The following ADAMTS17 variants were observed in gnomAD, a reference collection of about 807,000 sequenced individuals.
ADAMTS17 encodes the protein ADAM metallopeptidase with thrombospondin type 1 motif 17, also known as A disintegrin and metalloproteinase with thrombospondin motifs 17.
A neutral mutation model predicts 141.5 loss-of-function variants in ADAMTS17; 113 were observed. The observed-to-expected ratio is 0.80, with a 90% confidence interval of 0.69 to 0.93. The LOEUF (loss-of-function observed/expected upper bound fraction) is 0.93, where lower values mean the gene tolerates loss of function less well. ADAMTS17 is among the 40% of genes least tolerant of loss of function. The pLI is 0.00. For missense variants in ADAMTS17, 1,659 were observed against 1,517.9 expected (o/e 1.09, Z -1.54); for synonymous variants, 768 against 630.6 (o/e 1.22, Z -3.27).
intron 8 of ADAMTS17, among the ~76,000 whole-genome samples, chr15:100,195,941 A>G (rs1346327497): frequency 1.3e-5 from 2 of 152,228 alleles, no homozygotes; most frequent in Non-Finnish European, 2.9e-5. Flanking sequence ...AAGCAATACT[A>G]GTTTCCTAAC....
intron 20 of ADAMTS17, among the ~76,000 whole-genome samples, chr15:99,986,029 C>T (rs968152578): frequency 2.0e-5 from 3 of 152,238 alleles, no homozygotes; most frequent in Admixed American, 6.5e-5. Context: ...ACTGTCCACT[C>T]TTGTACCACC....
intron 15 of ADAMTS17, among the ~76,000 whole-genome samples, chr15:100,072,416 C>G (rs2034041186): frequency 6.8e-6 from 1 of 147,682 alleles, no homozygotes; most frequent in Admixed American, 6.8e-5. Flanking sequence ...CTTTAAAGTT[C>G]CTATGGAACC....
At chr15:100,265,427 C>T (rs2043677251) in intron 4 of ADAMTS17, among the ~76,000 whole-genome samples, 1 of 152,234 alleles carries the variant, frequency 6.6e-6, no homozygotes, top group Admixed American at 6.5e-5. Context: ...GAAATTCCGT[C>T]TCCGGCGTCC....
At chr15:100,268,929 GAC>G (rs755862905) in intron 4 of ADAMTS17, among the ~76,000 whole-genome samples, 45 of 152,004 alleles carry the variant, frequency 3.0e-4, no homozygotes, top group Middle Eastern at 3.4e-3. Flanking sequence ...ACAAAAACAA[GAC>G]ACACAGACCA....
chr15:100,103,955 A>G (rs1567178747), intron 14 of ADAMTS17, among the ~76,000 whole-genome samples: 1 of 152,170 alleles, frequency 6.6e-6, no homozygotes, highest in Non-Finnish European at 1.5e-5. Flanking sequence ...TACTTCCTTC[A>G]CTGAAGAAGG....
At chr15:100,095,740 G>A (rs1302717101) in intron 15 of ADAMTS17, among the ~76,000 whole-genome samples, 1 of 152,076 alleles carries the variant, frequency 6.6e-6, no homozygotes, top group East Asian at 1.9e-4. Context: ...TCCCATGTAA[G>A]ACAAAGCAGC....
intron 18 of ADAMTS17, among the ~76,000 whole-genome samples, chr15:100,047,029 A>G (rs969925176): frequency 3.3e-5 from 5 of 152,060 alleles, no homozygotes; most frequent in Non-Finnish European, 4.4e-5. Context: ...TCAGCAAGGA[A>G]CATCCCTGAG....
At chr15:100,101,062 G>A (rs539686711) in intron 14 of ADAMTS17, among the ~76,000 whole-genome samples, 3 of 152,118 alleles carry the variant, frequency 2.0e-5, no homozygotes, top group Non-Finnish European at 4.4e-5. Context: ...TTCTGCCTGG[G>A]CCCTGGCTCC....
At chr15:100,125,863 C>A (rs969285344) in intron 12 of ADAMTS17, among the ~76,000 whole-genome samples, 5 of 151,976 alleles carry the variant, frequency 3.3e-5, no homozygotes, top group African/African-American at 7.3e-5. Context: ...GACTCTCTTG[C>A]CAGTATTTTT....
intron 18 of ADAMTS17, among the ~76,000 whole-genome samples, chr15:100,015,699 T>C (rs757589983): frequency 1.3e-5 from 2 of 152,212 alleles, no homozygotes; most frequent in African/African-American, 2.4e-5. Flanking sequence ...AGGGCCCCAA[T>C]CTCTTCTAGC....
chr15:100,092,334 T>C lies in ADAMTS17; in HGVS notation c.2137+4022A>G, dbSNP rs1489614291. Among the ~76,000 whole-genome samples, 4 of 152,200 alleles carry C rather than the reference T, an allele frequency of 2.6e-5. No individual in the cohort carries two copies. The East Asian group carries it at 5.8e-4, about 22-fold the overall frequency. Reference sequence around the variant, plus strand: ...TGGCTTCGCACACAACTTACTCCCATTGATTCTATTCAGAAAACACTCAGA... The same window carrying C: ...TGGCTTCGCACACAACTTACTCCCACTGATTCTATTCAGAAAACACTCAGA... On this transcript the variant is annotated intron_variant, in intron 15 of 21. Transcript: ENST00000268070.
intron 11 of ADAMTS17, 54 bp downstream of exon 11, chr15:100,133,160 T>A (rs1399961036): frequency 1.0e-5 from 15 of 1,487,052 alleles, no homozygotes; most frequent in African/African-American, 1.4e-5. Context: ...GAGGTGCCAG[T>A]TGCCTGCAAG....
chr15:100,168,405 C>G (rs1259999880), intron 8 of ADAMTS17: 1 of 152,216 alleles, frequency 6.6e-6, no homozygotes, highest in Non-Finnish European at 1.5e-5. Flanking sequence ...TATCATGGAA[C>G]TTTGTTGAAG....
At chr15:100,142,376 G>C (rs1567244495) in intron 10 of ADAMTS17, among the ~76,000 whole-genome samples, 1 of 152,140 alleles carries the variant, frequency 6.6e-6, no homozygotes, top group Admixed American at 6.5e-5. Context: ...CAGGCTCCCA[G>C]AGTACCGGGA....
intron 7 of ADAMTS17, among the ~76,000 whole-genome samples, chr15:100,225,825 C>G (rs1260405358): frequency 6.7e-6 from 1 of 149,232 alleles, no homozygotes; most frequent in Non-Finnish European, 1.5e-5. Flanking sequence ...TTACAGCAGT[C>G]ACGGTCTCTG....
chr15:100,222,207 A>T (rs1596309245), intron 7 of ADAMTS17, among the ~76,000 whole-genome samples: 2 of 152,300 alleles, frequency 1.3e-5, no homozygotes, highest in South Asian at 2.1e-4. Context: ...ACACCAAAAT[A>T]GATCCCAGAA....
intron 18 of ADAMTS17, among the ~76,000 whole-genome samples, chr15:100,037,841 C>A (rs2030892457): frequency 6.6e-6 from 1 of 152,112 alleles, no homozygotes; most frequent in South Asian, 2.1e-4. Flanking sequence ...GTGGTGCAAT[C>A]TCAATCTAGA....
intron 14 of ADAMTS17, among the ~76,000 whole-genome samples, chr15:100,106,611 G>A (rs1445808352): frequency 1.3e-5 from 2 of 152,276 alleles, no homozygotes. Context: ...GACAATTTTA[G>A]GATTCTTAGA....
intron 7 of ADAMTS17, among the ~76,000 whole-genome samples, chr15:100,245,502 T>A (rs2042959715): frequency 6.6e-6 from 1 of 152,204 alleles, no homozygotes; most frequent in Admixed American, 6.5e-5. Flanking sequence ...TGGTTCTACA[T>A]CTCCAAAGGG....
Sources: gnomAD v4.1 joint callset for allele counts (sites outside exome capture counted in the v4.1 genomes callset) on GRCh38, gnomAD v4.1.1 for gene constraint, MANE v1.5 for transcripts, NCBI Gene and HGNC (gene_info 2026-07-23, HGNC 2026-07-21) for gene names.